PPFIA2: variants seen among roughly 807,000 people sequenced by gnomAD.
PPFIA2 encodes the protein liprin-alpha-2.
Under a neutral mutation model 175.5 loss-of-function variants are expected in PPFIA2, and 46 were observed. The ratio of observed to expected loss-of-function variants is 0.26; its 90% CI spans 0.21 to 0.34. The LOEUF is 0.34. Among genes scored for constraint, PPFIA2 ranks in the 10% least tolerant of loss-of-function variants. PPFIA2 has a pLI of 1.00. For missense variants in PPFIA2, 1,179 were observed against 1,506.1 expected, an observed-to-expected ratio of 0.78 and a Z score of 3.60; for synonymous variants, 568 against 511.4, an observed-to-expected ratio of 1.11 and a Z score of -1.49.
chr12:81,283,395 TAGAG>T (rs2042536365), intron 25 of PPFIA2, among the ~76,000 whole-genome samples: 2 of 152,034 alleles, frequency 1.3e-5, no homozygotes, highest in Non-Finnish European at 2.9e-5. Flanking sequence ...GTATATATGA[TAGAG>T]AAATCTTATA....
chr12:81,675,039 C>T (rs2072211163), intron 4 of PPFIA2, among the ~76,000 whole-genome samples: 1 of 151,906 alleles, frequency 6.6e-6, no homozygotes, highest in Non-Finnish European at 1.5e-5. Context: ...ATAAAATAAG[C>T]ACAATCATTG....
At chr12:81,299,179 C>A in intron 23 of PPFIA2, 122 bp downstream of exon 23, 1 of 1,275,656 alleles carries the variant, frequency 7.8e-7, no homozygotes, top group Non-Finnish European at 1.0e-6. Context: ...GCAAATAGTC[C>A]CTTATGAGCA....
chr12:81,296,846 C>T (rs1389712684), intron 23 of PPFIA2: 1 of 151,784 alleles, frequency 6.6e-6, no homozygotes, highest in Non-Finnish European at 1.5e-5. Context: ...TTGATTATTT[C>T]TCTCTACCTC....
chr12:81,388,365 T>C (rs2039420289), intron 8 of PPFIA2, among the ~76,000 whole-genome samples: 1 of 152,080 alleles, frequency 6.6e-6, no homozygotes, highest in Non-Finnish European at 1.5e-5. Flanking sequence ...ACAAAAACAT[T>C]AAGCTGAGAA....
chr12:81,339,298 C>G lies in PPFIA2; in HGVS notation c.2430G>C (p.Gly810=), dbSNP rs2057650052. ...CTTGGCTGCTGTTGGCACTACCAAG[C>G]CCGAGGCTTTCTGGCTCAAGAGAGA... ...LSVSLEPESL[G]LGSANSSQDS... Residue 810 remains glycine (G), a synonymous_variant, in exon 21 of 33, where the codon GGG becomes GGC. Coordinates refer to ENST00000549396, the MANE Select transcript of PPFIA2 (RefSeq NM_003625.5). The G allele has an allele frequency of 1.2e-6, 2 of 1,607,734 alleles. No homozygotes were observed. Among genetic ancestry groups the G allele is most frequent in the Admixed American group, 1.7e-5 (1 of 59,012 alleles).
chr12:81,259,939 G>A (rs374230015), intron 32 of PPFIA2: 22 of 287,584 alleles, frequency 7.6e-5, no homozygotes, highest in East Asian at 6.4e-4. Context: ...ATGTTAGCAT[G>A]CCTTCTGAAA....
In PPFIA2 at chr12:81,357,195, A is replaced by T. The variant is rs371166271; in HGVS notation, c.1773+887T>A. Among the ~76,000 whole-genome samples the T allele has an allele frequency of 5.3e-5, 8 of 152,186 alleles. No homozygotes were observed. The East Asian group carries it at 9.6e-4, about 18-fold the overall frequency. On this transcript the variant is annotated intron_variant, in intron 16 of 32. Transcript: ENST00000549396. ...ATCAAGTAGCACTAATTAATTTGTC[A>T]CATAATAATGAGAAAAGAATTGAGA...
intron 30 of PPFIA2, among the ~76,000 whole-genome samples, chr12:81,264,008 G>C (rs926564347): frequency 1.3e-4 from 20 of 152,110 alleles, no homozygotes; most frequent in Non-Finnish European, 1.5e-5. Flanking sequence ...CTTTCAATAA[G>C]TACATGTGGT....
chr12:81,664,885 T>C (rs2069805788), intron 4 of PPFIA2, among the ~76,000 whole-genome samples: 1 of 151,980 alleles, frequency 6.6e-6, no homozygotes, highest in African/African-American at 2.4e-5. Context: ...ATGTCCTTTG[T>C]AGGGACATGG....
In PPFIA2 at chr12:81,642,654, GTATCTATTATATACATACA is replaced by G. The variant is rs1174900379; in HGVS notation, c.303+34118_303+34136del. Among the ~76,000 whole-genome samples the G allele has an allele frequency of 6.5e-3, 738 of 113,612 alleles. 84 individuals are homozygous for G. Among genetic ancestry groups the G allele is most frequent in the African/African-American group, 0.021 (692 of 32,490 alleles). 74.5% of individuals were successfully genotyped at this position (113,612 alleles called of 152,430 possible). ...ATATCTATTATATACATACATGTAT[GTATCTATTATATACATACA>G]TGTATGTATCTATTATATACATACA... On this transcript the variant is annotated intron_variant, in intron 4 of 32. Coordinates refer to ENST00000549396, the MANE Select transcript of PPFIA2 (RefSeq NM_003625.5).
chr12:81,696,391 C>G (rs189943973), intron 3 of PPFIA2, among the ~76,000 whole-genome samples: 63 of 152,228 alleles, frequency 4.1e-4, no homozygotes, highest in Non-Finnish European at 6.8e-4. Context: ...TAACTCTCAT[C>G]ATCCAGTCAT....
chr12:81,660,900 C>A (rs1001233998), intron 4 of PPFIA2, among the ~76,000 whole-genome samples: 7 of 152,266 alleles, frequency 4.6e-5, no homozygotes, highest in African/African-American at 1.4e-4. Context: ...ATTCAACATT[C>A]TTAAAGAAAA....
chr12:81,288,580 G>A (rs1221131974), intron 24 of PPFIA2, among the ~76,000 whole-genome samples: 1 of 151,718 alleles, frequency 6.6e-6, no homozygotes, highest in African/African-American at 2.4e-5. Flanking sequence ...GAGTAGTCTT[G>A]CTGTCAGAGA....
At chr12:81,644,393 T>C (rs1159603697) in intron 4 of PPFIA2, among the ~76,000 whole-genome samples, 1 of 151,986 alleles carries the variant, frequency 6.6e-6, no homozygotes, top group South Asian at 2.1e-4. Context: ...AAAATAAAGC[T>C]TTTCTAGATT....
intron 4 of PPFIA2, among the ~76,000 whole-genome samples, chr12:81,491,610 C>T (rs768424674): frequency 3.3e-5 from 5 of 151,872 alleles, no homozygotes; most frequent in Admixed American, 6.6e-5. Flanking sequence ...TGCGCTCTCT[C>T]TCTGTGCCAC....
At chr12:81,724,097 C>T (rs1161990482) in intron 3 of PPFIA2, among the ~76,000 whole-genome samples, 1 of 150,752 alleles carries the variant, frequency 6.6e-6, no homozygotes, top group African/African-American at 2.4e-5. Context: ...GGTTACAATG[C>T]TCTATCTCTA....
At chr12:81,509,647 C>G (rs1479595264) in intron 4 of PPFIA2, among the ~76,000 whole-genome samples, 1 of 150,866 alleles carries the variant, frequency 6.6e-6, no homozygotes, top group East Asian at 1.9e-4. Flanking sequence ...TCTGTGGACT[C>G]AAACTATATA....
chr12:81,328,572 T>C (rs1161080231), intron 21 of PPFIA2, among the ~76,000 whole-genome samples: 2 of 152,166 alleles, frequency 1.3e-5, no homozygotes, highest in Non-Finnish European at 2.9e-5. Flanking sequence ...AAATTTAAAA[T>C]TACATATGTG....
chr12:81,341,225 T>C lies in PPFIA2; in HGVS notation c.2263-17A>G. 1 of 1,607,798 alleles carries C rather than the reference T, an allele frequency of 6.2e-7. No individual in the cohort carries two copies. The highest frequency in any genetic ancestry group is 1.7e-5 in the Admixed American group (1 of 59,446). On this transcript the variant is annotated splice_polypyrimidine_tract_variant and intron_variant, in intron 19 of 32. Transcript: ENST00000549396. Reference sequence around the variant, plus strand: ...AACTGCAATCTAGAAGCAAAAACAATACATTCAAATAAACCCTTTCTAAAT... The same window carrying C: ...AACTGCAATCTAGAAGCAAAAACAACACATTCAAATAAACCCTTTCTAAAT...
Sources: allele counts gnomAD v4.1 joint callset (sites outside exome capture counted in the v4.1 genomes callset), GRCh38; gene constraint gnomAD v4.1.1; transcripts MANE v1.5; gene names NCBI Gene and HGNC (gene_info 2026-07-23, HGNC 2026-07-21).